Variants in GLS observed in about 807,000 individuals in gnomAD.
GLS encodes the protein glutaminase kidney isoform, mitochondrial.
GLS carries 36 observed loss-of-function variants against 86.7 expected under a neutral mutation model. The ratio of observed to expected loss-of-function variants is 0.42; its 90% confidence interval spans 0.32 to 0.55. GLS has a LOEUF of 0.55. Ranked by LOEUF, GLS falls within the 20% of genes least tolerant of loss-of-function variation. GLS has a pLI of 0.17. For synonymous variants in GLS, 317 were observed against 305.9 expected, an observed-to-expected ratio of 1.04 and a Z score of -0.38; for missense variants, 528 against 833.4, an observed-to-expected ratio of 0.63 and a Z score of 4.51.
intron 14 of GLS, chr2:190,934,857 A>G (rs1292251719): frequency 1.0e-6 from 1 of 979,614 alleles, no homozygotes; most frequent in Non-Finnish European, 1.2e-6. Context: ...ATAGAAAAGT[A>G]TAAACGGAAG....
chr2:190,902,789 ATT>A (rs770356684), intron 5 of GLS, among the ~76,000 whole-genome samples: 1 of 152,178 alleles, frequency 6.6e-6, no homozygotes, highest in Non-Finnish European at 1.5e-5. Flanking sequence ...AAAAATCAAT[ATT>A]CTTTTTTCAC....
At chr2:190,932,563 G>T in intron 14 of GLS, 1 of 423,560 alleles carries the variant, frequency 2.4e-6, no homozygotes, top group Non-Finnish European at 4.0e-6. Context: ...ACTTCCATGG[G>T]AGTCGACCTG....
chr2:190,939,423 C>T (rs1296605131), intron 14 of GLS, among the ~76,000 whole-genome samples: 3 of 151,650 alleles, frequency 2.0e-5, no homozygotes, highest in East Asian at 3.9e-4. Context: ...AGCTCTTCTC[C>T]CTACAAGTTT....
rs1360603390 is a variant in GLS at position 190,953,936 on chromosome 2, T to G, written c.1712+310T>G. On this transcript the variant is annotated intron_variant, in intron 15 of 17. Coordinates refer to ENST00000320717, the MANE Select transcript of GLS (RefSeq NM_014905.5). This position sits in a 1 kb window ranked among gnomAD's most constrained non-coding sequence, Gnocchi z 4.0. ...TTCTCACTCCCTGTCTACCCTCCATTCCCAATCTTTGATATGTGTGTGTGT... is the reference window on the plus strand; with the variant it reads ...TTCTCACTCCCTGTCTACCCTCCATGCCCAATCTTTGATATGTGTGTGTGT... 6.8e-6 allele frequency among the ~76,000 whole-genome samples: 1 copy of G among 146,900 alleles called. No individual in the cohort carries two copies. The highest frequency in any genetic ancestry group is 6.9e-5 in the Admixed American group (1 of 14,446).
rs2125968581 is a variant in GLS at position 190,881,765 on chromosome 2, A to G, written c.386+295A>G. On this transcript the variant is annotated intron_variant, in intron 1 of 17. Transcript: ENST00000320717. ...TCGCCTGGCGTCCCCAGCGCCAGAG[A>G]GGCCGCTCCCCTGCCCGCGCTGCGT... 1.7e-5 allele frequency: 5 copies of G among 295,450 alleles called. No individual in the cohort carries two copies. The South Asian group carries it at 3.5e-4, about 20-fold the overall frequency. 18.3% of individuals were successfully genotyped at this position (295,450 alleles called of 1,614,324 possible).
rs553137819 is a variant in GLS, at chr2:190,953,086, A to G, written c.1651-479A>G. On this transcript the variant is annotated intron_variant, in intron 14 of 17. Coordinates refer to ENST00000320717, the MANE Select transcript of GLS (RefSeq NM_014905.5). This position sits in a 1 kb window ranked among gnomAD's most constrained non-coding sequence, Gnocchi z 4.0. Reference sequence around the variant, plus strand: ...AGTAAAGTTTAAGATGACAGTTAACACTGAATGTTCTCTCTTAAGATTTGC... The same window carrying G: ...AGTAAAGTTTAAGATGACAGTTAACGCTGAATGTTCTCTCTTAAGATTTGC... Among the ~76,000 whole-genome samples, 91 of 152,368 alleles carry G rather than the reference A, an allele frequency of 6.0e-4. No homozygotes were observed. The highest frequency in any genetic ancestry group is 1.1e-3 in the Non-Finnish European group (75 of 68,036).
In GLS at chr2:190,953,700, A is replaced by C; in HGVS notation, c.1712+74A>C. ...TTGCTTCTGGGCGAGCAGCCATTTT[A>C]AGGTTAAAGTCTCACTTTTCTTTCC... On this transcript the variant is annotated intron_variant, in intron 15 of 17. Coordinates refer to ENST00000320717, the MANE Select transcript of GLS (RefSeq NM_014905.5). The surrounding 1 kb of genome is among the most constrained non-coding windows in gnomAD (Gnocchi z 4.0). 1 of 1,027,894 alleles carries C rather than the reference A, an allele frequency of 9.7e-7. No individual in the cohort carries two copies. 63.7% of individuals were successfully genotyped at this position (1,027,894 alleles called of 1,614,324 possible).
rs1002265017 is a variant in GLS, at chr2:190,949,927, A to C, written c.1651-3638A>C. Among the ~76,000 whole-genome samples the C allele has an allele frequency of 1.3e-5, 2 of 150,252 alleles. No homozygotes were observed. Among genetic ancestry groups the C allele is most frequent in the Non-Finnish European group, 3.0e-5 (2 of 67,678 alleles). On this transcript the variant is annotated intron_variant, in intron 14 of 17. Coordinates refer to ENST00000320717, the MANE Select transcript of GLS (RefSeq NM_014905.5). The surrounding 1 kb of genome is among the most constrained non-coding windows in gnomAD (Gnocchi z 4.0). The stretch of plus-strand genomic sequence containing the variant: ...AGAGACAAAAAACAAGTATATATAA[A>C]AATATATATACTTTATATATAGTTA...
chr2:190,934,327 T>A, intron 14 of GLS: 1 of 965,184 alleles, frequency 1.0e-6, no homozygotes, highest in South Asian at 4.8e-5. Context: ...ACTGTGATAT[T>A]AAGAAAAGAA....
chr2:190,960,775 A>AT (rs1307657654), intron 17 of GLS, among the ~76,000 whole-genome samples: 2 of 152,146 alleles, frequency 1.3e-5, no homozygotes, highest in East Asian at 3.8e-4. Context: ...AATGTTAGCA[A>AT]TTTTGTAAGT....
At chr2:190,909,138 CT>C (rs1689262863) in intron 6 of GLS, among the ~76,000 whole-genome samples, 1 of 152,050 alleles carries the variant, frequency 6.6e-6, no homozygotes, top group African/African-American at 2.4e-5. Context: ...TTTATTTTAA[CT>C]TTTGAAACTT....
At chr2:190,912,346 C>CTT (rs34419675) in intron 7 of GLS, among the ~76,000 whole-genome samples, 52,500 of 122,278 alleles carry the variant, frequency 0.43, 13,556 homozygotes, top group Non-Finnish European at 0.6. Context: ...TTCACAAGTG[C>CTT]TTTTTTTTTT....
chr2:190,911,174 A>G (rs1689347091), intron 7 of GLS, among the ~76,000 whole-genome samples: 1 of 151,920 alleles, frequency 6.6e-6, no homozygotes. Context: ...GTTAGAGGAA[A>G]GCATAACTAC....
intron 4 of GLS, 63 bp downstream of exon 4, chr2:190,900,756 G>C (rs1025136051): frequency 7.8e-7 from 1 of 1,282,632 alleles, no homozygotes; most frequent in African/African-American, 1.5e-5. Flanking sequence ...CTTAATTTGA[G>C]GTCTAGAGAG....
rs1176324651 is a variant in GLS, at chr2:190,880,881, A to C, written c.-204A>C. On this transcript the variant is annotated 5_prime_UTR_variant, in exon 1 of 18. Coordinates refer to ENST00000320717, the MANE Select transcript of GLS (RefSeq NM_014905.5). ...CGCGGCAATCCTAGCGCGCAGCAGC[A>C]GCAGCAGCAGCAGCAGCAGCAGCAG... 4 of 366,584 alleles carry C rather than the reference A, an allele frequency of 1.1e-5. 1 individual carries two copies. The highest frequency in any genetic ancestry group is 1.5e-5 in the Non-Finnish European group (4 of 262,000). The allele number at this position is 366,584 out of a possible 1,614,324, so 22.7% of individuals were successfully genotyped here. A position where few individuals can be genotyped will look rare whatever the true frequency, so the allele number is the denominator to read the frequency against.
At position 190,963,015 on chromosome 2, in the gene GLS, T is replaced by C; in HGVS notation, c.*29T>C. On this transcript the variant is annotated 3_prime_UTR_variant, in exon 18 of 18. Transcript: ENST00000320717. ...TCTCAAATCCCAAGATTTAAATCAC[T>C]TACCTATTTAATTGTGGAAAATGAT... 1 of 1,466,898 alleles carries C rather than the reference T, an allele frequency of 6.8e-7. No individual in the cohort carries two copies. Among genetic ancestry groups the C allele is most frequent in the Admixed American group, 2.1e-5 (1 of 47,966 alleles). 90.9% of individuals were successfully genotyped at this position (1,466,898 alleles called of 1,614,324 possible).
intron 6 of GLS, among the ~76,000 whole-genome samples, chr2:190,906,470 G>C (rs933327724): frequency 6.6e-6 from 1 of 152,058 alleles, no homozygotes; most frequent in African/African-American, 2.4e-5. Flanking sequence ...TATGGTTTTA[G>C]GAATCATGAA....
At chr2:190,892,869 G>C (rs1035329288) in intron 1 of GLS, among the ~76,000 whole-genome samples, 6 of 152,032 alleles carry the variant, frequency 3.9e-5, no homozygotes, top group African/African-American at 1.4e-4. Context: ...TTAAAAGCAA[G>C]TAAACATTTG....
At chr2:190,902,827 A>T (rs1321504351) in intron 5 of GLS, among the ~76,000 whole-genome samples, 1 of 152,106 alleles carries the variant, frequency 6.6e-6, no homozygotes, top group African/African-American at 2.4e-5. Flanking sequence ...TAGCTCAGAG[A>T]TATATTCCTT....
Sources: allele counts gnomAD v4.1 joint callset (sites outside exome capture counted in the v4.1 genomes callset), GRCh38; gene constraint gnomAD v4.1.1; non-coding constraint Gnocchi (gnomAD v3.1); transcripts MANE v1.5; gene names NCBI Gene and HGNC (gene_info 2026-07-23, HGNC 2026-07-21).